Variants in NPC1 observed in about 807,000 individuals in gnomAD.
The protein encoded by NPC1 is Niemann-Pick C1 protein.
In NPC1, 85 loss-of-function variants were observed where a neutral mutation model predicts 140.4. The ratio of observed to expected loss-of-function variants is 0.61; its 90% confidence interval spans 0.51 to 0.72. The LOEUF (loss-of-function observed/expected upper bound fraction) is 0.72, where lower values mean the gene tolerates loss of function less well. Ranked by LOEUF, NPC1 falls within the 30% of genes least tolerant of loss-of-function variation. NPC1 has a pLI of 0.00. For synonymous variants in NPC1, 656 were observed against 624.8 expected, an observed-to-expected ratio of 1.05 and a Z score of -0.74; for missense variants, 1,504 against 1,623.8, an observed-to-expected ratio of 0.93 and a Z score of 1.27.
chr18:23,571,174 C>G lies in NPC1; in HGVS notation c.287+900G>C, dbSNP rs868728317. On this transcript the variant is annotated intron_variant, in intron 3 of 24. Coordinates refer to ENST00000269228, the MANE Select transcript of NPC1 (RefSeq NM_000271.5). The stretch of plus-strand genomic sequence containing the variant: ...ACCAAGTCTGGTAATTATTGTTTTT[C>G]TCTTTATTTCTGACAAATTGTAAGA... Among the ~76,000 whole-genome samples the G allele has an allele frequency of 5.3e-5, 8 of 151,890 alleles. No individual in the cohort carries two copies. The Middle Eastern group carries it at 0.01, about 194-fold the overall frequency.
At chr18:23,521,155 T>C (rs1011237056), downstream of NPC1, among the ~76,000 whole-genome samples, 4 of 152,230 alleles carry the variant, frequency 2.6e-5, no homozygotes, top group Admixed American at 1.3e-4. Flanking sequence ...ATGCCCAGCC[T>C]GTTCTAGTTT....
rs1201030442 is a variant in NPC1 at position 23,536,667 on chromosome 18, C to T, written c.3245+6G>A. 3 of 1,613,068 alleles carry T rather than the reference C, an allele frequency of 1.9e-6. No homozygotes were observed. Among genetic ancestry groups the T allele is most frequent in the Non-Finnish European group, 2.5e-6 (3 of 1,179,324 alleles). On this transcript the variant is annotated splice_donor_region_variant and intron_variant, in intron 21 of 24. Transcript: ENST00000269228. ...GTAAACCCCATTGAAAAAGGGCAGG[C>T]TTTACCTGTAAGGAAATACTCGGTA...
intron 11 of NPC1, among the ~76,000 whole-genome samples, chr18:23,547,078 A>C (rs769818343): frequency 6.6e-6 from 1 of 152,080 alleles, no homozygotes. Context: ...TGGGCCTCCC[A>C]AAGTGCTGGG....
intron 2 of NPC1, 34 bp from the exon 3 acceptor site, chr18:23,572,214 G>A (rs2059214366): frequency 7.0e-7 from 1 of 1,437,088 alleles, no homozygotes; most frequent in Non-Finnish European, 9.8e-7. Context: ...ACGGGAGTAG[G>A]CAACAGTTAG....
At chr18:23,515,145 G>A (rs2057965938) in intron 3 of NPC1, among the ~76,000 whole-genome samples, 1 of 152,080 alleles carries the variant, frequency 6.6e-6, no homozygotes, top group Non-Finnish European at 1.5e-5. Context: ...AGTTTCTTTT[G>A]GCCGTTTCCT....
At chr18:23,516,202 A>T (rs2058000649) in intron 3 of NPC1, 2 of 1,359,676 alleles carry the variant, frequency 1.5e-6, no homozygotes, top group Admixed American at 3.5e-5. Flanking sequence ...GACATGGGGG[A>T]CGGTGGAAAG....
downstream of NPC1, among the ~76,000 whole-genome samples, chr18:23,530,978 AGT>A (rs2058481894): frequency 6.6e-6 from 1 of 152,048 alleles, no homozygotes; most frequent in Admixed American, 6.5e-5. Context: ...AGTTTTATGA[AGT>A]ATACATTGGT....
intron 3 of NPC1, chr18:23,509,196 A>G (rs769786166): frequency 1.5e-6 from 2 of 1,379,200 alleles, no homozygotes; most frequent in Non-Finnish European, 1.9e-6. Context: ...TTCTTAGACT[A>G]AGAATGCCAA....
rs770374547 is a variant in NPC1, at chr18:23,556,437, C to A, written c.1132G>T (p.Val378Phe). The change falls in exon 8 of 25, where the codon GTT becomes TTT. Residue 378 changes from valine to phenylalanine, a missense_variant. Coordinates refer to ENST00000269228, the MANE Select transcript of NPC1 (RefSeq NM_000271.5). ...LVFVRVTTNP[V>F]DLWSAPSSQA... ...CTGCTGGGGGCTGACCAGAGGTCAA[C>A]TGGATTGGTTGTGACCCGGACAAAC... 2 of 1,614,112 alleles carry A rather than the reference C, an allele frequency of 1.2e-6. No homozygotes were observed. Among genetic ancestry groups the A allele is most frequent in the South Asian group, 2.2e-5 (2 of 91,076 alleles).
In NPC1 at chr18:23,556,797, A is replaced by G. The variant is rs1426979881; in HGVS notation, c.956-184T>C. On this transcript the variant is annotated intron_variant, in intron 7 of 24. Coordinates refer to ENST00000269228, the MANE Select transcript of NPC1 (RefSeq NM_000271.5). ...AAGCCACCTTTGTTGGCTGCCCTCA[A>G]TGAGCGCTATTCCCACCCCACAGAG... 15 of 884,092 alleles carry G rather than the reference A, an allele frequency of 1.7e-5. No homozygotes were observed. In the East Asian group the frequency reaches 1.8e-4, roughly 11 times the overall value. 54.8% of individuals were successfully genotyped at this position (884,092 alleles called of 1,614,324 possible).
chr18:23,577,807 G>A (rs1003717636), intron 1 of NPC1, among the ~76,000 whole-genome samples: 15 of 152,274 alleles, frequency 9.9e-5, no homozygotes, highest in Non-Finnish European at 1.3e-4. Context: ...GCGAGAAATC[G>A]AGCGCAGCGC....
chr18:23,547,911 T>G, intron 11 of NPC1, 95 bp downstream of exon 11: 2 of 815,746 alleles, frequency 2.5e-6, no homozygotes, highest in South Asian at 1.3e-5. Context: ...AGATCTGCCA[T>G]TGGTTAATTT....
At chr18:23,576,294 G>A (rs961325574) in intron 1 of NPC1, among the ~76,000 whole-genome samples, 23 of 152,118 alleles carry the variant, frequency 1.5e-4, no homozygotes, top group African/African-American at 4.6e-4. Context: ...AGTGGCACAT[G>A]CCCATAGTCC....
downstream of NPC1, among the ~76,000 whole-genome samples, chr18:23,530,855 G>T (rs2058475448): frequency 3.3e-5 from 5 of 152,158 alleles, no homozygotes. Flanking sequence ...TTAGGACCCA[G>T]ATCAGGCACA....
intron 3 of NPC1, chr18:23,516,538 G>A (rs2058010747): frequency 9.8e-7 from 1 of 1,019,868 alleles, no homozygotes; most frequent in African/African-American, 1.6e-5. Flanking sequence ...ACATAAGGAG[G>A]ACTCCCCTTG....
Position 23,537,947 on chromosome 18 carries a change from T to TAC in NPC1, c.3041+593_3041+594dup, listed in dbSNP as rs530138703. ...AGGGTTTACCTAACATACATGGGGATACTCATCTTCCACCTCCCAAAGCTT... is the reference window on the plus strand; with the variant it reads ...AGGGTTTACCTAACATACATGGGGATACACTCATCTTCCACCTCCCAAAGCTT... On this transcript the variant is annotated intron_variant, in intron 20 of 24. Coordinates refer to ENST00000269228, the MANE Select transcript of NPC1 (RefSeq NM_000271.5). 2.6e-5 allele frequency among the ~76,000 whole-genome samples: 4 copies of TAC among 152,310 alleles called. No homozygotes were observed. In the East Asian group the frequency reaches 7.7e-4, roughly 29 times the overall value.
At chr18:23,534,358 G>T (rs2058592004) in intron 23 of NPC1, 88 bp downstream of exon 23, 5 of 907,356 alleles carry the variant, frequency 5.5e-6, no homozygotes, top group Admixed American at 3.7e-5. Context: ...AAGCTGCTTT[G>T]TAAGTACAGG....
Position 23,576,024 on chromosome 18 carries a change from GA to G in NPC1, c.58-2451del, listed in dbSNP as rs1361858644. 3.9e-5 allele frequency among the ~76,000 whole-genome samples: 6 copies of G among 152,204 alleles called. No individual in the cohort carries two copies. The East Asian group carries it at 1.2e-3, about 29-fold the overall frequency. On this transcript the variant is annotated intron_variant, in intron 1 of 24. Transcript: ENST00000269228. ...GAATCACCTGAGGTCAGGAGTTCGA[GA>G]CCAGCCTGACCGACATGGAGAAACC...
Position 23,531,998 on chromosome 18 carries a change from G to C in NPC1, c.*204C>G. 1 of 1,478,816 alleles carries C rather than the reference G, an allele frequency of 6.8e-7. No individual in the cohort carries two copies. The highest frequency in any genetic ancestry group is 2.5e-5 in the East Asian group (1 of 40,412). The allele number at this position is 1,478,816 out of a possible 1,614,324, so 91.6% of individuals were successfully genotyped here. A position where few individuals can be genotyped will look rare whatever the true frequency, so the allele number is the denominator to read the frequency against. On this transcript the variant is annotated 3_prime_UTR_variant, in exon 25 of 25. Coordinates refer to ENST00000269228, the MANE Select transcript of NPC1 (RefSeq NM_000271.5). ...GAGGCTGGGAGAAGTTTAGTGTCCT[G>C]TGGTTGCCTCCAGATCTAGTAATAC...
Sources: allele counts gnomAD v4.1 joint callset (sites outside exome capture counted in the v4.1 genomes callset), GRCh38; gene constraint gnomAD v4.1.1; transcripts MANE v1.5; gene names NCBI Gene and HGNC (gene_info 2026-07-23, HGNC 2026-07-21).